Variants in IL1RAPL2 observed in about 807,000 individuals in gnomAD.
IL1RAPL2 encodes interleukin 1 receptor accessory protein like 2, also known as X-linked interleukin-1 receptor accessory protein-like 2.
In IL1RAPL2, 3 loss-of-function variants were observed where a neutral mutation model predicts 44.1. The observed-to-expected ratio is 0.07, with a 90% CI of 0.03 to 0.18. The LOEUF is 0.18. IL1RAPL2 is among the 10% of genes least tolerant of loss of function. The probability of loss-of-function intolerance (pLI) is 1.00; values close to 1 mark genes in which losing one functional copy is unlikely to be tolerated. For missense variants in IL1RAPL2, 391 were observed against 496.4 expected (o/e 0.79, Z 2.02); for synonymous variants, 181 against 178.8 (o/e 1.01, Z -0.10).
intron 5 of IL1RAPL2, among the ~76,000 whole-genome samples, chrX:105,388,224 G>A (rs2035493663): frequency 1.1e-5 from 1 of 92,100 alleles, no homozygotes; most frequent in Admixed American, 1.3e-4. Flanking sequence ...CTATGAAAGT[G>A]TGAATTAGTA....
At chrX:104,761,875 CCTT>C (rs1488116690) in intron 2 of IL1RAPL2, among the ~76,000 whole-genome samples, 1 of 49,364 alleles carries the variant, frequency 2.0e-5, no homozygotes, top group Non-Finnish European at 3.2e-5. Context: ...TTCTCCTTCT[CCTT>C]CTCCTTCTCC....
chrX:105,304,484 A>G (rs761237726), intron 5 of IL1RAPL2, among the ~76,000 whole-genome samples: 15 of 112,453 alleles, frequency 1.3e-4, no homozygotes, highest in Non-Finnish European at 2.8e-4. Flanking sequence ...TAATAGTTAA[A>G]CAAAAGTCTT....
chrX:104,908,873 C>T (rs1924129916), intron 2 of IL1RAPL2, among the ~76,000 whole-genome samples: 1 of 111,046 alleles, frequency 9.0e-6, no homozygotes, highest in African/African-American at 3.3e-5. Flanking sequence ...TGGGGAAGTT[C>T]TCCTGAAATG....
intron 2 of IL1RAPL2, among the ~76,000 whole-genome samples, chrX:105,029,626 C>T (rs2031445942): frequency 9.2e-6 from 1 of 109,022 alleles, no homozygotes; most frequent in Non-Finnish European, 1.9e-5. Context: ...GTATATATGC[C>T]ACATTTTCTT....
At chrX:104,919,389 C>T (rs1341658112) in intron 2 of IL1RAPL2, among the ~76,000 whole-genome samples, 1 of 108,952 alleles carries the variant, frequency 9.2e-6, no homozygotes, top group Admixed American at 9.8e-5. Flanking sequence ...CCACACCTGG[C>T]TAATTTTGTA....
chrX:105,243,587 G>GTATA (rs1168803021), intron 4 of IL1RAPL2, among the ~76,000 whole-genome samples: 3 of 74,855 alleles, frequency 4.0e-5, no homozygotes, highest in Non-Finnish European at 6.3e-5. Flanking sequence ...ATATATATGT[G>GTATA]TATATATATA....
At chrX:104,976,436 A>G (rs1343535097) in intron 2 of IL1RAPL2, among the ~76,000 whole-genome samples, 1 of 112,223 alleles carries the variant, frequency 8.9e-6, no homozygotes, top group Non-Finnish European at 1.9e-5. Context: ...AATATGACAA[A>G]AAAGGGTTTT....
chrX:104,871,738 T>C (rs1745975314), intron 2 of IL1RAPL2, among the ~76,000 whole-genome samples: 1 of 111,781 alleles, frequency 8.9e-6, no homozygotes, highest in Non-Finnish European at 1.9e-5. Context: ...ATTAACAAAA[T>C]ATTGATGTGG....
At chrX:105,100,066 C>T (rs1462344961) in intron 2 of IL1RAPL2, among the ~76,000 whole-genome samples, 1 of 111,624 alleles carries the variant, frequency 9.0e-6, no homozygotes. Context: ...AATACATTCA[C>T]GTAACTTTTA....
intron 1 of IL1RAPL2, among the ~76,000 whole-genome samples, chrX:104,620,856 CAAG>C (rs1228776933): frequency 1.9e-5 from 2 of 104,654 alleles, no homozygotes; most frequent in African/African-American, 6.9e-5. Flanking sequence ...TCAAGCATCT[CAAG>C]AGATTCTGCC....
At chrX:105,547,426 G>T (rs2036811918) in intron 6 of IL1RAPL2, among the ~76,000 whole-genome samples, 1 of 112,031 alleles carries the variant, frequency 8.9e-6, no homozygotes, top group African/African-American at 3.2e-5. Context: ...ACCCACTACA[G>T]CATCCCCTAA....
chrX:104,694,455 T>G (rs769829791), intron 2 of IL1RAPL2, among the ~76,000 whole-genome samples: 3 of 112,145 alleles, frequency 2.7e-5, no homozygotes, highest in South Asian at 7.5e-4. Flanking sequence ...TCTCTATTGT[T>G]CTGTACCATT....
chrX:104,712,234 C>A (rs1179716809), intron 2 of IL1RAPL2, among the ~76,000 whole-genome samples: 3 of 110,485 alleles, frequency 2.7e-5, no homozygotes, highest in Non-Finnish European at 5.7e-5. Flanking sequence ...GAGCAGTCTG[C>A]CATTTTTGCA....
rs1187732310 is a variant in IL1RAPL2, at chrX:105,409,833, T to TAGACAGACAGACAGAC, written c.698-74477_698-74476insCAGACAGACAGACAGA. Among the ~76,000 whole-genome samples the TAGACAGACAGACAGAC allele has an allele frequency of 4.9e-4, 46 of 93,385 alleles. 1 individual carries two copies. In the South Asian group the frequency reaches 0.027, roughly 54 times the overall value. 81.1% of individuals were successfully genotyped at this position (93,385 alleles called of 115,157 possible). A position where few individuals can be genotyped will look rare whatever the true frequency, so the allele number is the denominator to read the frequency against. On this transcript the variant is annotated intron_variant, in intron 5 of 10. Coordinates refer to ENST00000372582, the MANE Select transcript of IL1RAPL2 (RefSeq NM_017416.2). ...ATAGATAGATAGATAGATAGATAGA[T>TAGACAGACAGACAGAC]AGATAGATAGATAGACAGACAGACA...
chrX:105,441,227 T>C (rs7879161), intron 5 of IL1RAPL2, among the ~76,000 whole-genome samples: 24,778 of 111,196 alleles, frequency 0.22, 6,831 homozygotes, highest in African/African-American at 0.78. Flanking sequence ...GGTGATTACC[T>C]TAAAACCTTA....
At chrX:105,066,453 T>C (rs977319389) in intron 2 of IL1RAPL2, among the ~76,000 whole-genome samples, 4 of 111,805 alleles carry the variant, frequency 3.6e-5, no homozygotes, top group African/African-American at 9.8e-5. Context: ...CTGACAAATA[T>C]GATTGTTATA....
intron 2 of IL1RAPL2, among the ~76,000 whole-genome samples, chrX:104,853,835 G>A (rs1460865358): frequency 6.7e-5 from 7 of 104,403 alleles, no homozygotes; most frequent in African/African-American, 2.5e-4. Flanking sequence ...CCCGGGAGGC[G>A]GAGCTTGCAG....
chrX:105,005,598 A>G (rs1223975886), intron 2 of IL1RAPL2, among the ~76,000 whole-genome samples: 4 of 109,451 alleles, frequency 3.7e-5, no homozygotes, highest in Non-Finnish European at 7.6e-5. Flanking sequence ...TCTTGTATGT[A>G]CCTCTTTCCC....
At chrX:104,681,258 G>T (rs1930887657) in intron 2 of IL1RAPL2, among the ~76,000 whole-genome samples, 1 of 111,987 alleles carries the variant, frequency 8.9e-6, no homozygotes, top group Non-Finnish European at 1.9e-5. Flanking sequence ...ATCAAATACA[G>T]AAAAACTTAA....
Sources: allele counts gnomAD v4.1 joint callset (sites outside exome capture counted in the v4.1 genomes callset), GRCh38; gene constraint gnomAD v4.1.1; transcripts MANE v1.5; gene names NCBI Gene and HGNC (gene_info 2026-07-23, HGNC 2026-07-21).